CUX1: variants seen among roughly 807,000 people sequenced by gnomAD.
The protein encoded by CUX1 is protein CASP.
Under a neutral mutation model 158.8 loss-of-function variants are expected in CUX1, and 31 were observed. That is an observed-to-expected ratio of 0.20 (90% CI 0.15 to 0.26). The LOEUF (loss-of-function observed/expected upper bound fraction) is 0.26, where lower values mean the gene tolerates loss of function less well. CUX1 is among the 10% of genes least tolerant of loss of function. The pLI is 1.00. For missense variants in CUX1, 1,589 were observed against 2,014.6 expected, an observed-to-expected ratio of 0.79 and a Z score of 4.04; for synonymous variants, 879 against 862.1, an observed-to-expected ratio of 1.02 and a Z score of -0.34.
intron 8 of CUX1, among the ~76,000 whole-genome samples, chr7:102,144,812 G>T (rs1834853781): frequency 1.3e-5 from 2 of 151,878 alleles, no homozygotes; most frequent in African/African-American, 4.8e-5. Context: ...TTTAGGCTGG[G>T]CGCAATGGCT....
intron 1 of CUX1, among the ~76,000 whole-genome samples, chr7:101,845,622 A>G (rs760465856): frequency 3.3e-5 from 5 of 152,204 alleles, no homozygotes; most frequent in Non-Finnish European, 7.3e-5. Flanking sequence ...TACATGGCAC[A>G]TCGTACATTT....
intron 2 of CUX1, among the ~76,000 whole-genome samples, chr7:102,021,923 CCTT>C (rs141594753): frequency 0.02 from 3,077 of 152,110 alleles, 106 homozygotes; most frequent in African/African-American, 0.07. Context: ...TTCACAGCCT[CCTT>C]CTATGTGTGC....
chr7:101,962,108 T>A (rs944339182), intron 2 of CUX1, among the ~76,000 whole-genome samples: 3 of 152,148 alleles, frequency 2.0e-5, no homozygotes, highest in African/African-American at 7.2e-5. Flanking sequence ...CCATGACATA[T>A]TCCTTCTGTG....
At chr7:101,907,673 T>C (rs1802914070) in intron 1 of CUX1, among the ~76,000 whole-genome samples, 1 of 152,078 alleles carries the variant, frequency 6.6e-6, no homozygotes, top group South Asian at 2.1e-4. Flanking sequence ...AGCAAAAACA[T>C]GAACTTTAAC....
chr7:102,000,965 G>A (rs1214169548), intron 2 of CUX1, among the ~76,000 whole-genome samples: 1 of 152,088 alleles, frequency 6.6e-6, no homozygotes, highest in Admixed American at 6.6e-5. Flanking sequence ...TTTTGTAGAG[G>A]TGGGGTATCG....
rs533685691 is a variant in CUX1 at position 101,959,796 on chromosome 7, G to A, written c.141+43571G>A. 7.2e-5 allele frequency among the ~76,000 whole-genome samples: 11 copies of A among 152,290 alleles called. No individual in the cohort carries two copies. The East Asian group carries it at 7.7e-4, about 11-fold the overall frequency. On this transcript the variant is annotated intron_variant, in intron 2 of 23. Transcript: ENST00000292535. The stretch of plus-strand genomic sequence containing the variant: ...CTAATTAATGGGAAGGTGTTCTGCG[G>A]AGGATTTCACCGCGTACATATTCTC...
intron 2 of CUX1, among the ~76,000 whole-genome samples, chr7:102,024,611 G>A (rs538362247): frequency 1.3e-5 from 2 of 152,132 alleles, no homozygotes; most frequent in Non-Finnish European, 2.9e-5. Flanking sequence ...ACAGGTGTGA[G>A]CCAGCGTGCC....
chr7:102,194,982 C>CCA (rs1794637616), intron 13 of CUX1, among the ~76,000 whole-genome samples: 1 of 152,046 alleles, frequency 6.6e-6, no homozygotes, highest in Admixed American at 6.6e-5. Flanking sequence ...CAAGATCATG[C>CCA]CACTGCACTC....
chr7:101,816,366 C>T (rs1447965708), upstream of CUX1, among the ~76,000 whole-genome samples: 1 of 144,414 alleles, frequency 6.9e-6, no homozygotes, highest in Non-Finnish European at 1.5e-5. Flanking sequence ...ACCACTGCCC[C>T]CGGTGTCTGC....
intron 1 of CUX1, among the ~76,000 whole-genome samples, chr7:101,886,452 T>C (rs748225086): frequency 1.3e-5 from 2 of 152,172 alleles, no homozygotes; most frequent in Non-Finnish European, 2.9e-5. Flanking sequence ...CTGTCCACCA[T>C]GGCTTCCCAA....
chr7:102,067,309 T>C (rs1274128758), intron 3 of CUX1, among the ~76,000 whole-genome samples: 1 of 141,518 alleles, frequency 7.1e-6, no homozygotes, highest in Non-Finnish European at 1.5e-5. Flanking sequence ...CTCAGCTCAC[T>C]GCATCCTCCA....
intron 1 of CUX1, among the ~76,000 whole-genome samples, chr7:101,834,639 G>C (rs183969631): frequency 6.6e-6 from 1 of 152,280 alleles, no homozygotes; most frequent in Middle Eastern, 3.4e-3. Flanking sequence ...GCAGAGAGCA[G>C]TTCTTTTGAT....
At chr7:102,079,904 C>G (rs1262062271) in intron 4 of CUX1, among the ~76,000 whole-genome samples, 3 of 152,278 alleles carry the variant, frequency 2.0e-5, no homozygotes, top group Middle Eastern at 3.4e-3. Context: ...GCTGTATGCT[C>G]TGTCCCAGTT....
intron 22 of CUX1, 122 bp from the exon 23 acceptor site, chr7:102,239,198 T>C: frequency 1.7e-6 from 2 of 1,181,704 alleles, no homozygotes; most frequent in Non-Finnish European, 2.3e-6. Flanking sequence ...CATCTTAGTG[T>C]TTTGAGATGC....
intron 2 of CUX1, among the ~76,000 whole-genome samples, chr7:102,026,093 C>T (rs1197298899): frequency 1.3e-5 from 2 of 152,030 alleles, no homozygotes; most frequent in African/African-American, 2.4e-5. Context: ...GTGGGAGGAT[C>T]GCTTGAACCC....
At chr7:102,030,503 A>G (rs749971459) in intron 3 of CUX1, among the ~76,000 whole-genome samples, 5 of 152,034 alleles carry the variant, frequency 3.3e-5, no homozygotes, top group African/African-American at 4.8e-5. Flanking sequence ...CATTACCACA[A>G]TAACCACAAA....
chr7:102,266,079 T>A lies in CUX1; in HGVS notation c.1256-7287T>A, dbSNP rs147016846. Reference sequence around the variant, plus strand: ...ATTAGCCAGGCGTGGTGGTTCATGCTTGTAGTCCCAGCTGCTCGGGAGGCT... The same window carrying A: ...ATTAGCCAGGCGTGGTGGTTCATGCATGTAGTCCCAGCTGCTCGGGAGGCT... On this transcript the variant is annotated intron_variant, in intron 14 of 22. Transcript: ENST00000292538. 1.2e-3 allele frequency among the ~76,000 whole-genome samples: 185 copies of A among 151,876 alleles called. 1 individual carries two copies. The highest frequency in any genetic ancestry group is 4.3e-3 in the African/African-American group (180 of 41,464).
chr7:101,922,233 A>C (rs1805039756), intron 2 of CUX1, among the ~76,000 whole-genome samples: 1 of 152,206 alleles, frequency 6.6e-6, no homozygotes, highest in African/African-American at 2.4e-5. Flanking sequence ...CATTCTTTAA[A>C]AAGTTTCTTA....
intron 1 of CUX1, among the ~76,000 whole-genome samples, chr7:101,829,889 T>C (rs953823251): frequency 6.8e-6 from 1 of 148,094 alleles, no homozygotes; most frequent in Non-Finnish European, 1.5e-5. Flanking sequence ...GTTGCATTAC[T>C]CACTATCCTC....
Sources: gnomAD v4.1 joint callset for allele counts (sites outside exome capture counted in the v4.1 genomes callset) on GRCh38, gnomAD v4.1.1 for gene constraint, MANE v1.5 for transcripts, NCBI Gene and HGNC (gene_info 2026-07-23, HGNC 2026-07-21) for gene names.